The following ATP11C variants were observed in gnomAD, a reference collection of about 807,000 sequenced individuals.
The protein encoded by ATP11C is ATPase phospholipid transporting 11C (ATP11C blood group).
Under a neutral mutation model 97.4 loss-of-function variants are expected in ATP11C, and 36 were observed. That is an observed-to-expected ratio of 0.37 (90% confidence interval 0.28 to 0.49). The LOEUF (loss-of-function observed/expected upper bound fraction) is 0.49. Among genes scored for constraint, ATP11C ranks in the 20% least tolerant of loss-of-function variants. The pLI, the probability that ATP11C is intolerant of heterozygous loss-of-function variation, is 0.98. For synonymous variants in ATP11C, 275 were observed against 290.9 expected, an observed-to-expected ratio of 0.95 and a Z score of 0.56; for missense variants, 730 against 824.6, an observed-to-expected ratio of 0.89 and a Z score of 1.40.
At chrX:139,813,755 G>C (rs951775684) in intron 5 of ATP11C, among the ~76,000 whole-genome samples, 1 of 111,521 alleles carries the variant, frequency 9.0e-6, no homozygotes, top group Admixed American at 9.5e-5. Flanking sequence ...ATGGGTTGGG[G>C]GGAATAAGGA....
chrX:139,774,104 G>A (rs2082304788), intron 19 of ATP11C, among the ~76,000 whole-genome samples: 1 of 112,176 alleles, frequency 8.9e-6, no homozygotes, highest in Non-Finnish European at 1.9e-5. Context: ...TTGGTCAATG[G>A]GAAGTATAGA....
chrX:139,923,515 G>A (rs144133446), intron 1 of ATP11C, among the ~76,000 whole-genome samples: 1,912 of 112,043 alleles, frequency 0.017, 31 homozygotes, highest in African/African-American at 0.059. Context: ...CCAAATAGGG[G>A]ATGAGTGTTC....
chrX:139,907,657 A>G (rs1414648254), intron 1 of ATP11C, among the ~76,000 whole-genome samples: 1 of 109,754 alleles, frequency 9.1e-6, no homozygotes, highest in Non-Finnish European at 1.9e-5. Flanking sequence ...CTAAGGCAGG[A>G]GAATCGCTTG....
At chrX:139,880,903 C>T (rs2084551302) in intron 1 of ATP11C, among the ~76,000 whole-genome samples, 1 of 111,863 alleles carries the variant, frequency 8.9e-6, no homozygotes, top group African/African-American at 3.2e-5. Flanking sequence ...AACAAACTGT[C>T]CTCACTTGGA....
At chrX:139,915,065 T>C (rs1056107235) in intron 1 of ATP11C, among the ~76,000 whole-genome samples, 9 of 111,464 alleles carry the variant, frequency 8.1e-5, no homozygotes, top group Non-Finnish European at 1.1e-4. Context: ...AACATATCAA[T>C]GAAATCATGG....
intron 5 of ATP11C, among the ~76,000 whole-genome samples, chrX:139,808,458 TAGAA>T: frequency 9.1e-6 from 1 of 109,685 alleles, no homozygotes; most frequent in Admixed American, 9.7e-5. Context: ...AAACTGAAAA[TAGAA>T]AGAAAAATGT....
intron 23 of ATP11C, among the ~76,000 whole-genome samples, chrX:139,757,178 T>TA (rs1217507017): frequency 9.0e-6 from 1 of 110,991 alleles, no homozygotes; most frequent in Non-Finnish European, 1.9e-5. Flanking sequence ...TCTCATAGAT[T>TA]AATTATAAAA....
At chrX:139,883,706 TAAATAAG>T (rs952833822) in intron 1 of ATP11C, among the ~76,000 whole-genome samples, 1 of 111,301 alleles carries the variant, frequency 9.0e-6, no homozygotes, top group Non-Finnish European at 1.9e-5. Context: ...AGGTGAAAAT[TAAATAAG>T]AAGATGTGGC....
chrX:139,741,102 G>A lies in ATP11C; in HGVS notation c.3031-8C>T. On this transcript the variant is annotated splice_polypyrimidine_tract_variant and splice_region_variant and intron_variant, in intron 26 of 29. Transcript: ENST00000682941. The stretch of plus-strand genomic sequence containing the variant: ...TCGGGTATCCAAGGCAAGCTGAAAA[G>A]ATACAACACAAAAGATTTCACGACG... 8.9e-7 allele frequency: 1 copy of A among 1,126,128 alleles called. No homozygotes were observed. Among genetic ancestry groups the A allele is most frequent in the Non-Finnish European group, 1.2e-6 (1 of 818,672 alleles). The allele number at this position is 1,126,128 out of a possible 1,213,427, so 92.8% of individuals were successfully genotyped here.
chrX:139,790,458 T>A (rs1022587711), intron 12 of ATP11C, among the ~76,000 whole-genome samples: 1 of 95,172 alleles, frequency 1.1e-5, no homozygotes, highest in East Asian at 3.6e-4. Flanking sequence ...TCTCTCTCTC[T>A]CTCACTCACA....
chrX:139,833,662 T>G (rs1372958001), intron 1 of ATP11C, among the ~76,000 whole-genome samples: 1 of 111,066 alleles, frequency 9.0e-6, no homozygotes, highest in Non-Finnish European at 1.9e-5. Flanking sequence ...CACTCCAGCT[T>G]GGGCAACAGA....
intron 1 of ATP11C, among the ~76,000 whole-genome samples, chrX:139,892,055 C>T (rs752411106): frequency 9.0e-6 from 1 of 111,265 alleles, no homozygotes; most frequent in East Asian, 2.8e-4. Flanking sequence ...TGGGATTTCA[C>T]CTTATTGGCC....
intron 1 of ATP11C, among the ~76,000 whole-genome samples, chrX:139,926,625 A>G (rs971868536): frequency 8.9e-6 from 1 of 112,485 alleles, no homozygotes; most frequent in Non-Finnish European, 1.9e-5. Flanking sequence ...ATCTCAATTC[A>G]GCTAAAAGTT....
intron 1 of ATP11C, among the ~76,000 whole-genome samples, chrX:139,877,803 C>A (rs781280723): frequency 8.9e-6 from 1 of 112,214 alleles, no homozygotes; most frequent in Admixed American, 9.5e-5. Flanking sequence ...GGGTGGATCG[C>A]TTGGGGCCAG....
chrX:139,884,527 T>G (rs1401651094), intron 1 of ATP11C, among the ~76,000 whole-genome samples: 3 of 111,939 alleles, frequency 2.7e-5, no homozygotes, highest in Admixed American at 9.5e-5. Flanking sequence ...CTTGCTATGT[T>G]GCCCAGGCTG....
intron 23 of ATP11C, among the ~76,000 whole-genome samples, chrX:139,755,964 A>G (rs1276364756): frequency 8.9e-6 from 1 of 112,592 alleles, no homozygotes; most frequent in African/African-American, 3.2e-5. Context: ...ACAAAAACAA[A>G]AACTGACAAA....
At chrX:139,817,349 A>G (rs2083307156) in intron 3 of ATP11C, among the ~76,000 whole-genome samples, 1 of 110,692 alleles carries the variant, frequency 9.0e-6, no homozygotes, top group Non-Finnish European at 1.9e-5. Context: ...GTAGATGCTG[A>G]GGTCTGAAGG....
At chrX:139,754,056 GTAA>G (rs2081880067) in intron 23 of ATP11C, among the ~76,000 whole-genome samples, 1 of 110,370 alleles carries the variant, frequency 9.1e-6, no homozygotes, top group Admixed American at 9.7e-5. Context: ...TTGAAAAAAT[GTAA>G]TAATATACAT....
intron 18 of ATP11C, among the ~76,000 whole-genome samples, chrX:139,777,809 T>G (rs903087838): frequency 4.6e-5 from 5 of 109,365 alleles, no homozygotes; most frequent in Non-Finnish European, 9.5e-5. Context: ...CCCATCAGAC[T>G]AATAGTGAAT....
Sources: allele counts gnomAD v4.1 joint callset (sites outside exome capture counted in the v4.1 genomes callset), GRCh38; gene constraint gnomAD v4.1.1; transcripts MANE v1.5; gene names NCBI Gene and HGNC (gene_info 2026-07-23, HGNC 2026-07-21).